The following IFT140 variants were observed in gnomAD, a reference collection of about 807,000 sequenced individuals.
The protein encoded by IFT140 is intraflagellar transport protein 140 homolog.
In IFT140, 133 loss-of-function variants were observed where a neutral mutation model predicts 164.6. The observed-to-expected ratio is 0.81, with a 90% CI of 0.70 to 0.93. The LOEUF is 0.93. Among genes scored for constraint, IFT140 ranks in the 40% least tolerant of loss-of-function variants. The pLI is 0.00. For synonymous variants in IFT140, 860 were observed against 817.3 expected, an observed-to-expected ratio of 1.05 and a Z score of -0.89; for missense variants, 2,045 against 1,972.3, an observed-to-expected ratio of 1.04 and a Z score of -0.70.
intron 19 of IFT140, chr16:1,557,655 G>A: frequency 7.6e-6 from 3 of 396,328 alleles, no homozygotes; most frequent in Non-Finnish European, 1.4e-5. Flanking sequence ...ATTATTCCCA[G>A]AGGGATGGGT....
chr16:1,527,028 T>G (rs2040724689), intron 19 of IFT140: 1 of 531,130 alleles, frequency 1.9e-6, no homozygotes, highest in Non-Finnish European at 3.3e-6. Context: ...CGGGTCCCAT[T>G]AAAAGACAGA....
chr16:1,554,023 C>A (rs1159482210), intron 19 of IFT140: 5 of 1,287,234 alleles, frequency 3.9e-6, no homozygotes, highest in Middle Eastern at 3.3e-4. Flanking sequence ...CCCACCTCTC[C>A]TTCTCTGGTT....
intron 7 of IFT140, among the ~76,000 whole-genome samples, chr16:1,589,311 T>C (rs897251526): frequency 8.5e-5 from 13 of 152,168 alleles, no homozygotes; most frequent in Non-Finnish European, 2.9e-5. Context: ...GTGACTCTCT[T>C]ACTTGCACCC....
In IFT140 at chr16:1,589,731, G is replaced by A. The variant is rs765361599; in HGVS notation, c.684C>T (p.Ser228=). ...DEKGKTTQVV[S]ADSTIQMLFY... ...ACAGCATCTGAATCGTGCTGTCTGC[G>A]GACACCACCTGAGTGGTCTTGCCCT... Residue 228 remains serine, a synonymous_variant, in exon 7 of 31, where the codon TCC becomes TCT. Coordinates refer to ENST00000426508, the MANE Select transcript of IFT140 (RefSeq NM_014714.4). 61 of 1,614,000 alleles carry A rather than the reference G, an allele frequency of 3.8e-5. No individual in the cohort carries two copies. The Middle Eastern group carries it at 8.2e-4, about 22-fold the overall frequency.
intron 3 of IFT140, among the ~76,000 whole-genome samples, chr16:1,603,746 G>A (rs1159145249): frequency 6.6e-6 from 1 of 152,218 alleles, no homozygotes; most frequent in Non-Finnish European, 1.5e-5. Flanking sequence ...CTCCCAAAGT[G>A]CAGGGATTAC....
chr16:1,529,755 C>T (rs565324767), intron 19 of IFT140, among the ~76,000 whole-genome samples: 113 of 152,314 alleles, frequency 7.4e-4, no homozygotes, highest in Non-Finnish European at 1.4e-3. Context: ...AGGACCCATG[C>T]GTGTAAAACT....
chr16:1,591,485 G>A (rs1324802975), intron 6 of IFT140, among the ~76,000 whole-genome samples: 2 of 152,196 alleles, frequency 1.3e-5, no homozygotes, highest in East Asian at 3.8e-4. Context: ...TGGTGAAACC[G>A]ATAGCAAAAG....
At chr16:1,563,446 C>CCGTCTCAAAAAA (rs1567375165) in intron 17 of IFT140, among the ~76,000 whole-genome samples, 3 of 150,696 alleles carry the variant, frequency 2.0e-5, no homozygotes, top group African/African-American at 7.4e-5. Context: ...GAGAGAGACT[C>CCGTCTCAAAAAA]AAAAAACAAA....
At chr16:1,520,398 C>T in intron 27 of IFT140, 55 bp from the exon 28 acceptor site, 1 of 1,571,742 alleles carries the variant, frequency 6.4e-7, no homozygotes, top group Admixed American at 1.7e-5. Flanking sequence ...GGGACAAGCA[C>T]AAGGGACCCC....
intron 30 of IFT140, 100 bp from the exon 31 acceptor site, chr16:1,511,250 G>T: frequency 8.7e-7 from 1 of 1,144,310 alleles, no homozygotes; most frequent in Non-Finnish European, 1.3e-6. Context: ...GAGGCGGGTG[G>T]GGGTGCCTCC....
intron 14 of IFT140, 139 bp downstream of exon 14, chr16:1,571,268 T>C: frequency 2.6e-6 from 2 of 763,104 alleles, no homozygotes; most frequent in Middle Eastern, 3.1e-4. Context: ...ACATGAGGCA[T>C]TCGAGAGCAC....
At chr16:1,529,561 C>T (rs1222370181) in intron 19 of IFT140, among the ~76,000 whole-genome samples, 1 of 152,216 alleles carries the variant, frequency 6.6e-6, no homozygotes, top group Non-Finnish European at 1.5e-5. Flanking sequence ...ACTCTTGCCA[C>T]CAACTCAGCA....
intron 2 of IFT140, among the ~76,000 whole-genome samples, chr16:1,608,648 AAAAG>A (rs2036194535): frequency 1.3e-5 from 2 of 151,516 alleles, no homozygotes; most frequent in South Asian, 2.1e-4. Flanking sequence ...AAAAAAAAAA[AAAAG>A]AAACCCGAAC....
intron 19 of IFT140, among the ~76,000 whole-genome samples, chr16:1,547,734 C>A (rs927267440): frequency 8.5e-5 from 13 of 152,284 alleles, no homozygotes; most frequent in African/African-American, 2.6e-4. Context: ...TGGGGTTTCA[C>A]CATGTTGGCC....
At chr16:1,555,701 C>T (rs889989363) in intron 19 of IFT140, 7 of 152,482 alleles carry the variant, frequency 4.6e-5, no homozygotes, top group Admixed American at 2.6e-4. Flanking sequence ...CGTAGGCATA[C>T]ACACTCTTAT....
chr16:1,543,630 C>T (rs1399572947), intron 19 of IFT140, among the ~76,000 whole-genome samples: 1 of 152,174 alleles, frequency 6.6e-6, no homozygotes, highest in Non-Finnish European at 1.5e-5. Flanking sequence ...TAATTTCTGC[C>T]CCCACCCAAC....
At chr16:1,606,799 G>A (rs561431040) in intron 3 of IFT140, among the ~76,000 whole-genome samples, 9 of 152,134 alleles carry the variant, frequency 5.9e-5, no homozygotes, top group African/African-American at 1.9e-4. Context: ...CTAGAGTAGA[G>A]TTCGTTTGAA....
chr16:1,518,196 G>A lies in IFT140; in HGVS notation c.4182+20C>T. 1 of 1,593,696 alleles carries A rather than the reference G, an allele frequency of 6.3e-7. No individual in the cohort carries two copies. Among genetic ancestry groups the A allele is most frequent in the Non-Finnish European group, 8.5e-7 (1 of 1,171,892 alleles). ...CCTTGTGTGGCGGGATGCTGCTAGTGAGCAGCACTCAGGCCTCACCGTCTG... is the reference window on the plus strand; with the variant it reads ...CCTTGTGTGGCGGGATGCTGCTAGTAAGCAGCACTCAGGCCTCACCGTCTG... On this transcript the variant is annotated intron_variant, in intron 30 of 30. Coordinates refer to ENST00000426508, the MANE Select transcript of IFT140 (RefSeq NM_014714.4).
intron 14 of IFT140, among the ~76,000 whole-genome samples, chr16:1,570,326 T>C (rs955277458): frequency 2.0e-5 from 3 of 152,196 alleles, no homozygotes; most frequent in Non-Finnish European, 4.4e-5. Context: ...ATTCTGTGTA[T>C]GGAGTCATCC....
Sources: allele counts gnomAD v4.1 joint callset (sites outside exome capture counted in the v4.1 genomes callset), GRCh38; gene constraint gnomAD v4.1.1; transcripts MANE v1.5; gene names NCBI Gene and HGNC (gene_info 2026-07-23, HGNC 2026-07-21).